The following AGBL4 variants were observed in gnomAD, a reference collection of about 807,000 sequenced individuals.
AGBL4 encodes the protein cytosolic carboxypeptidase 6.
A neutral mutation model predicts 66.4 loss-of-function variants in AGBL4; 58 were observed. That is an observed-to-expected ratio of 0.87 (90% confidence interval 0.71 to 1.09). The LOEUF is 1.09. Ranked by LOEUF, AGBL4 falls within the 50% of genes least tolerant of loss-of-function variation. AGBL4 has a pLI of 0.00. For synonymous variants in AGBL4, 234 were observed against 222.9 expected (o/e 1.05, Z -0.44); for missense variants, 579 against 631.0 (o/e 0.92, Z 0.88).
intron 4 of AGBL4, among the ~76,000 whole-genome samples, chr1:49,164,326 A>G (rs1300386615): frequency 6.6e-6 from 1 of 152,110 alleles, no homozygotes; most frequent in African/African-American, 2.4e-5. Context: ...ATTACATAGC[A>G]GCATACCTCC....
At chr1:49,258,406 GA>G (rs1029630829) in intron 3 of AGBL4, among the ~76,000 whole-genome samples, 3 of 152,046 alleles carry the variant, frequency 2.0e-5, no homozygotes, top group African/African-American at 7.2e-5. Flanking sequence ...TGAAAAATTT[GA>G]AAAAAATTTA....
intron 1 of AGBL4, among the ~76,000 whole-genome samples, chr1:49,979,464 C>T (rs1282023486): frequency 6.7e-6 from 1 of 149,122 alleles, no homozygotes; most frequent in Non-Finnish European, 1.5e-5. Flanking sequence ...CGAGACTCCG[C>T]CTCAAAAAAA....
At chr1:48,802,444 C>T (rs954810129) in intron 6 of AGBL4, among the ~76,000 whole-genome samples, 4 of 151,760 alleles carry the variant, frequency 2.6e-5, no homozygotes, top group African/African-American at 9.7e-5. Context: ...TCAGTCTGGG[C>T]TTCTGGGGAC....
rs183764012 is a variant in AGBL4 at position 49,704,530 on chromosome 1, T to C, written c.158-7093A>G. ...GAAAATATAAAAGAATGATACTGCCTAGGTTTTCTTCTAGGGTTTTTATTG... is the reference window on the plus strand; with the variant it reads ...GAAAATATAAAAGAATGATACTGCCCAGGTTTTCTTCTAGGGTTTTTATTG... On this transcript the variant is annotated intron_variant, in intron 2 of 13. Coordinates refer to ENST00000371839, the MANE Select transcript of AGBL4 (RefSeq NM_032785.4). Among the ~76,000 whole-genome samples, 18 of 152,248 alleles carry C rather than the reference T, an allele frequency of 1.2e-4. No individual in the cohort carries two copies. In the East Asian group the frequency reaches 3.5e-3, roughly 29 times the overall value.
chr1:49,777,886 A>G (rs1005636068), intron 2 of AGBL4, among the ~76,000 whole-genome samples: 1 of 152,212 alleles, frequency 6.6e-6, no homozygotes, highest in Non-Finnish European at 1.5e-5. Flanking sequence ...CATACAGCAA[A>G]TGGAGAAACA....
At chr1:49,180,166 G>A (rs940930457) in intron 4 of AGBL4, among the ~76,000 whole-genome samples, 1 of 152,156 alleles carries the variant, frequency 6.6e-6, no homozygotes, top group African/African-American at 2.4e-5. Flanking sequence ...CCAAAGTGCT[G>A]GGATTACAGG....
the AGBL4 span, among the ~76,000 whole-genome samples, chr1:48,527,200 A>G: frequency 6.6e-6 from 1 of 152,134 alleles, no homozygotes; most frequent in Non-Finnish European, 1.5e-5. Flanking sequence ...CCTGTCTGGA[A>G]CCATTAGGTT....
intron 3 of AGBL4, among the ~76,000 whole-genome samples, chr1:49,360,766 C>T (rs553528554): frequency 6.6e-6 from 1 of 152,098 alleles, no homozygotes; most frequent in African/African-American, 2.4e-5. Flanking sequence ...ACATATAGAA[C>T]AAATACTGGG....
intron 4 of AGBL4, among the ~76,000 whole-genome samples, chr1:49,198,187 G>T (rs2148223150): frequency 6.6e-6 from 1 of 152,146 alleles, no homozygotes. Context: ...TCGTATTGGG[G>T]CTTCACTCGC....
chr1:49,650,821 G>A (rs1194984559), intron 3 of AGBL4, among the ~76,000 whole-genome samples: 1 of 152,186 alleles, frequency 6.6e-6, no homozygotes, highest in Non-Finnish European at 1.5e-5. Context: ...GCCAGAAACA[G>A]ATACGGAGGA....
chr1:49,260,086 A>G (rs1465270964), intron 3 of AGBL4, among the ~76,000 whole-genome samples: 1 of 150,226 alleles, frequency 6.7e-6, no homozygotes, highest in Non-Finnish European at 1.5e-5. Context: ...GAAGGCAGAA[A>G]TAAAGATGTT....
chr1:48,846,572 CATTT>C (rs775096965), intron 6 of AGBL4, among the ~76,000 whole-genome samples: 2 of 152,116 alleles, frequency 1.3e-5, no homozygotes, highest in Admixed American at 6.5e-5. Flanking sequence ...ATTTAACTAC[CATTT>C]ATTTATTTCA....
chr1:48,760,242 C>G (rs1644183291), intron 6 of AGBL4, among the ~76,000 whole-genome samples: 1 of 152,190 alleles, frequency 6.6e-6, no homozygotes, highest in South Asian at 2.1e-4. Context: ...ACAGCTTCTA[C>G]TGAGGGGCAG....
At chr1:48,997,805 T>A (rs1049315312) in intron 5 of AGBL4, among the ~76,000 whole-genome samples, 1 of 152,246 alleles carries the variant, frequency 6.6e-6, no homozygotes, top group African/African-American at 2.4e-5. Context: ...GCTTGGCACA[T>A]AAGTGCTTGA....
At position 48,736,581 on chromosome 1, in the gene AGBL4, C is replaced by T; in HGVS notation, c.635-73340G>A. 1 of 778,770 alleles carries T rather than the reference C, an allele frequency of 1.3e-6. No individual in the cohort carries two copies. Among genetic ancestry groups the T allele is most frequent in the Middle Eastern group, 3.7e-4 (1 of 2,680 alleles). 48.2% of individuals were successfully genotyped at this position (778,770 alleles called of 1,614,324 possible). On this transcript the variant is annotated intron_variant, in intron 6 of 13. Coordinates refer to ENST00000371839, the MANE Select transcript of AGBL4 (RefSeq NM_032785.4). The surrounding 1 kb of genome is among the most constrained non-coding windows in gnomAD (Gnocchi z 4.0). ...ATGTCATAAATATGAAATTAACTCTCTTTAAGGGTAATCGTAATAGCTATC... is the reference window on the plus strand; with the variant it reads ...ATGTCATAAATATGAAATTAACTCTTTTTAAGGGTAATCGTAATAGCTATC...
intron 3 of AGBL4, among the ~76,000 whole-genome samples, chr1:49,610,280 TAC>T (rs1037285036): frequency 1.3e-5 from 2 of 152,110 alleles, no homozygotes; most frequent in African/African-American, 4.8e-5. Flanking sequence ...TCCCTATTTT[TAC>T]AGAGAAGAAA....
intron 6 of AGBL4, among the ~76,000 whole-genome samples, chr1:48,853,655 TATAAC>T (rs1035530174): frequency 1.1e-4 from 16 of 152,214 alleles, no homozygotes; most frequent in African/African-American, 3.9e-4. Flanking sequence ...GATTCGAACA[TATAAC>T]ATATGTATGT....
chr1:49,506,599 A>G (rs1648711350), intron 3 of AGBL4, among the ~76,000 whole-genome samples: 1 of 152,054 alleles, frequency 6.6e-6, no homozygotes, highest in Admixed American at 6.6e-5. Context: ...GCCTTCTGCC[A>G]TGATTCTGAG....
intron 9 of AGBL4, among the ~76,000 whole-genome samples, chr1:48,594,620 A>C (rs916124028): frequency 3.3e-5 from 5 of 152,138 alleles, no homozygotes; most frequent in African/African-American, 1.2e-4. Context: ...TCCTAGCTGA[A>C]TTATTTTACT....
Sources: allele counts gnomAD v4.1 joint callset (sites outside exome capture counted in the v4.1 genomes callset), GRCh38; gene constraint gnomAD v4.1.1; non-coding constraint Gnocchi (gnomAD v3.1); transcripts MANE v1.5; gene names NCBI Gene and HGNC (gene_info 2026-07-23, HGNC 2026-07-21).